The following CPS1 variants were observed in gnomAD, a reference collection of about 807,000 sequenced individuals.
CPS1 encodes the protein carbamoyl-phosphate synthase [ammonia], mitochondrial.
In CPS1, 109 loss-of-function variants were observed where a neutral mutation model predicts 174.6. The ratio of observed to expected loss-of-function variants is 0.62; its 90% confidence interval spans 0.53 to 0.73. The LOEUF is 0.73. Among genes scored for constraint, CPS1 ranks in the 30% least tolerant of loss-of-function variants. The pLI is 0.00. For synonymous variants in CPS1, 637 were observed against 632.0 expected, an observed-to-expected ratio of 1.01 and a Z score of -0.12; for missense variants, 1,689 against 1,821.9, an observed-to-expected ratio of 0.93 and a Z score of 1.33.
chr2:210,583,742 G>C (rs1698007362), intron 6 of CPS1, among the ~76,000 whole-genome samples: 1 of 152,122 alleles, frequency 6.6e-6, no homozygotes, highest in Non-Finnish European at 1.5e-5. Context: ...CTGAAGCTAG[G>C]TCTAGAAGGT....
At chr2:210,565,770 T>A (rs1041295450) in intron 1 of CPS1, among the ~76,000 whole-genome samples, 2 of 152,180 alleles carry the variant, frequency 1.3e-5, no homozygotes, top group Non-Finnish European at 2.9e-5. Flanking sequence ...AATGTTCACA[T>A]GTGGACTCCA....
intron 1 of CPS1, among the ~76,000 whole-genome samples, chr2:210,493,642 C>T (rs536075162): frequency 1.1e-4 from 16 of 152,276 alleles, no homozygotes; most frequent in South Asian, 4.2e-4. Context: ...TATTTTTGGC[C>T]GTTACTGACG....
At chr2:210,538,118 AT>A (rs1208388868) in intron 1 of CPS1, among the ~76,000 whole-genome samples, 1 of 152,156 alleles carries the variant, frequency 6.6e-6, no homozygotes, top group Admixed American at 6.6e-5. Flanking sequence ...TTGTGGCAGG[AT>A]TTGAAATAGG....
At chr2:210,608,609 T>C (rs1463790608) in intron 19 of CPS1, 50 bp downstream of exon 19, 1 of 1,575,214 alleles carries the variant, frequency 6.3e-7, no homozygotes, top group Non-Finnish European at 8.7e-7. Context: ...GTTATTTTGT[T>C]AAATTTGTGA....
chr2:210,598,126 CAT>C (rs1406552994), intron 13 of CPS1, among the ~76,000 whole-genome samples: 1 of 151,312 alleles, frequency 6.6e-6, no homozygotes, highest in Non-Finnish European at 1.5e-5. Flanking sequence ...TGGGGGTTAA[CAT>C]GTGAAGGATA....
intron 35 of CPS1, 37 bp from the exon 36 acceptor site, chr2:210,675,691 T>C (rs367842114): frequency 2.6e-5 from 24 of 935,352 alleles, no homozygotes; most frequent in South Asian, 1.8e-4. Flanking sequence ...AAGAAATCAC[T>C]GTGATACGGT....
rs768584680 is a variant in CPS1 at position 210,556,852 on chromosome 2, C to T, written c.119C>T (p.Ser40Phe). Reference sequence around the variant, plus strand: ...TCAAGACCTGGCATCAGGCTCCTTTCTGTCAAGGTAATACCCATATTGATT... The same window carrying T: ...TCAAGACCTGGCATCAGGCTCCTTTTTGTCAAGGTAATACCCATATTGATT... ...KFSRPGIRLL[S>F]VKAQTAHIVL... is the part of the protein sequence containing the mutation. The change falls in exon 1 of 38, where the codon TCT becomes TTT. Residue 40 changes from serine to phenylalanine, a missense_variant. Transcript: ENST00000233072. 6.2e-7 allele frequency: 1 copy of T among 1,612,960 alleles called. No homozygotes were observed. Among genetic ancestry groups the T allele is most frequent in the Non-Finnish European group, 8.5e-7 (1 of 1,179,208 alleles).
chr2:210,580,723 T>C (rs1269110304), intron 5 of CPS1, among the ~76,000 whole-genome samples: 1 of 151,722 alleles, frequency 6.6e-6, no homozygotes, highest in East Asian at 2.0e-4. Context: ...TAGCCAGTTA[T>C]AGTGGTGCAC....
chr2:210,576,244 C>A, intron 2 of CPS1, 102 bp from the exon 3 acceptor site: 1 of 1,252,428 alleles, frequency 8.0e-7, no homozygotes, highest in East Asian at 2.3e-5. Context: ...TTGTTGGATT[C>A]TTCTCATTTT....
At chr2:210,512,502 A>G (rs1695521906) in intron 1 of CPS1, among the ~76,000 whole-genome samples, 1 of 151,812 alleles carries the variant, frequency 6.6e-6, no homozygotes, top group Admixed American at 6.6e-5. Flanking sequence ...AATGGCCTCC[A>G]GCTACATCCA....
upstream of CPS1, chr2:210,555,521 C>T (rs554770128): frequency 7.9e-5 from 34 of 429,850 alleles, no homozygotes; most frequent in African/African-American, 1.4e-4. Flanking sequence ...ATTAAGTAAG[C>T]GTGAGGACTT....
rs973049473 is a variant in CPS1 at position 210,528,761 on chromosome 2, A to C, written c.4-27958A>C. Among the ~76,000 whole-genome samples, 3 of 151,878 alleles carry C rather than the reference A, an allele frequency of 2.0e-5. No homozygotes were observed. The South Asian group carries it at 6.2e-4, about 32-fold the overall frequency. On this transcript the variant is annotated intron_variant, in intron 1 of 38. Coordinates refer to the CPS1 transcript ENST00000430249. ...CTAATTACTTCTGACTATAATAGAA[A>C]AAGATCAAGAGGATTTGAAATAGAG...
intron 34 of CPS1, chr2:210,671,900 C>A (rs1041841731): frequency 6.6e-6 from 1 of 152,124 alleles, no homozygotes; most frequent in African/African-American, 2.4e-5. Context: ...AAATTACATT[C>A]TAGTACTCCT....
chr2:210,488,257 A>G (rs114504597), intron 1 of CPS1, among the ~76,000 whole-genome samples: 1,861 of 152,228 alleles, frequency 0.012, 33 homozygotes, highest in African/African-American at 0.042. Context: ...TTTTTGTTAG[A>G]TCATGTGTAT....
At chr2:210,559,069 T>C (rs561087494) in intron 1 of CPS1, among the ~76,000 whole-genome samples, 1 of 152,252 alleles carries the variant, frequency 6.6e-6, no homozygotes, top group South Asian at 2.1e-4. Flanking sequence ...TAGTCCTCTA[T>C]CTACTTTTCT....
At position 210,653,945 on chromosome 2, in the gene CPS1, T is replaced by C. The variant is rs138027844; in HGVS notation, c.3481-80T>C. ...GCAAGTATTGCCCTGATACTTATAA[T>C]ACTTAAAGTACATGGCTTATTGACA... On this transcript the variant is annotated intron_variant, in intron 28 of 37. Transcript: ENST00000233072. The C allele has an allele frequency of 7.2e-5, 80 of 1,104,722 alleles. 1 individual carries two copies. In the East Asian group the frequency reaches 1.9e-3, roughly 26 times the overall value. 68.4% of individuals were successfully genotyped at this position (1,104,722 alleles called of 1,614,324 possible).
chr2:210,582,005 G>A (rs762683028), intron 5 of CPS1, among the ~76,000 whole-genome samples: 28 of 152,256 alleles, frequency 1.8e-4, no homozygotes, highest in Middle Eastern at 3.4e-3. Flanking sequence ...TGACATTGTC[G>A]TGTTCAAGCT....
intron 5 of CPS1, among the ~76,000 whole-genome samples, chr2:210,582,272 G>A (rs1263477747): frequency 7.2e-5 from 11 of 151,876 alleles, no homozygotes; most frequent in Admixed American, 5.3e-4. Context: ...CTCATGAAAT[G>A]TCTTTAGGTC....
chr2:210,533,326 G>A (rs1409692795), intron 1 of CPS1, among the ~76,000 whole-genome samples: 1 of 152,094 alleles, frequency 6.6e-6, no homozygotes, highest in African/African-American at 2.4e-5. Context: ...ACAGCAAACA[G>A]TAGCTAATAG....
Sources: gnomAD v4.1 joint callset for allele counts (sites outside exome capture counted in the v4.1 genomes callset) on GRCh38, gnomAD v4.1.1 for gene constraint, MANE v1.5 for transcripts, NCBI Gene and HGNC (gene_info 2026-07-23, HGNC 2026-07-21) for gene names.